ALK: variants seen among roughly 807,000 people sequenced by gnomAD.
ALK encodes ALK receptor tyrosine kinase, also known as ALK tyrosine kinase receptor.
A neutral mutation model predicts 163.1 loss-of-function variants in ALK; 74 were observed. The observed-to-expected ratio is 0.45, with a 90% CI of 0.38 to 0.55. The LOEUF is 0.55. ALK is among the 20% of genes least tolerant of loss of function. The pLI, the probability that ALK is intolerant of heterozygous loss-of-function variation, is 0.00. For missense variants in ALK, 2,063 were observed against 2,105.3 expected (o/e 0.98, Z 0.39); for synonymous variants, 960 against 843.2 (o/e 1.14, Z -2.40).
chr2:29,451,071 GA>G (rs1670808574), intron 4 of ALK, among the ~76,000 whole-genome samples: 2 of 152,276 alleles, frequency 1.3e-5, no homozygotes, highest in South Asian at 4.2e-4. Flanking sequence ...CTGTGGGTCT[GA>G]TGTTTGCTTG....
intron 3 of ALK, among the ~76,000 whole-genome samples, chr2:29,654,662 T>C (rs546640491): frequency 7.8e-4 from 119 of 152,240 alleles, no homozygotes; most frequent in Non-Finnish European, 1.5e-3. Context: ...AAGATGGAAA[T>C]TTTAGAGGTC....
intron 2 of ALK, among the ~76,000 whole-genome samples, chr2:29,709,361 T>C (rs775365543): frequency 6.6e-5 from 10 of 151,974 alleles, no homozygotes; most frequent in African/African-American, 1.7e-4. Context: ...ACAGAGAACT[T>C]TGGGGGCTGA....
chr2:29,383,232 A>G (rs963690133), intron 5 of ALK, among the ~76,000 whole-genome samples: 2 of 151,864 alleles, frequency 1.3e-5, no homozygotes, highest in African/African-American at 4.8e-5. Flanking sequence ...CTCAAGGTAG[A>G]TATCATTTTA....
At chr2:29,787,909 GA>G (rs1173263937) in intron 1 of ALK, among the ~76,000 whole-genome samples, 2 of 152,168 alleles carry the variant, frequency 1.3e-5, no homozygotes, top group Non-Finnish European at 2.9e-5. Context: ...AGTGAGATTA[GA>G]ACCTACACCT....
Position 29,656,318 on chromosome 2 carries a change from C to T in ALK, c.952+38532G>A, listed in dbSNP as rs527927576. 2.6e-5 allele frequency among the ~76,000 whole-genome samples: 4 copies of T among 152,258 alleles called. No individual in the cohort carries two copies. The South Asian group carries it at 8.3e-4, about 32-fold the overall frequency. On this transcript the variant is annotated intron_variant, in intron 3 of 28. Coordinates refer to ENST00000389048, the MANE Select transcript of ALK (RefSeq NM_004304.5). ...ATGATATGTAAGATCCGTCCTAACTCTAATATTCTATGAATAATTTTAAAG... is the reference window on the plus strand; with the variant it reads ...ATGATATGTAAGATCCGTCCTAACTTTAATATTCTATGAATAATTTTAAAG...
At position 29,765,957 on chromosome 2, in the gene ALK, G is replaced by A. The variant is rs79445067; in HGVS notation, c.668-48260C>T. ...TGCGAGCTTATGTGAGCTGGCTGCA[G>A]TGCACCACTGTAAAACTCATATATA... On this transcript the variant is annotated intron_variant, in intron 1 of 28. Transcript: ENST00000389048. Among the ~76,000 whole-genome samples, 804 of 152,308 alleles carry A rather than the reference G, an allele frequency of 5.3e-3. 5 individuals are homozygous for A. Among genetic ancestry groups the A allele is most frequent in the Non-Finnish European group, 7.7e-3 (526 of 68,030 alleles).
chr2:29,433,389 T>C (rs560619359), intron 4 of ALK, among the ~76,000 whole-genome samples: 1 of 152,214 alleles, frequency 6.6e-6, no homozygotes, highest in East Asian at 1.9e-4. Flanking sequence ...TTCTAGAGGG[T>C]TTTGAGGAGG....
At chr2:29,209,917 A>G (rs1175349888) in intron 24 of ALK, 39 bp from the exon 25 acceptor site, 3 of 1,536,412 alleles carry the variant, frequency 2.0e-6, no homozygotes, top group Non-Finnish European at 2.7e-6. Context: ...TTTTATCCCT[A>G]GGAAGATGAG....
chr2:29,849,324 G>A (rs977102728), intron 1 of ALK, among the ~76,000 whole-genome samples: 1 of 152,206 alleles, frequency 6.6e-6, no homozygotes, highest in Admixed American at 6.5e-5. Flanking sequence ...CTGACTAACT[G>A]TATAAACCTG....
chr2:29,277,819 G>A (rs902131800), intron 9 of ALK, among the ~76,000 whole-genome samples: 1 of 152,230 alleles, frequency 6.6e-6, no homozygotes, highest in African/African-American at 2.4e-5. Flanking sequence ...TCTGGCACTG[G>A]GGTGTATGCC....
At chr2:29,903,527 T>C (rs909259772) in intron 1 of ALK, among the ~76,000 whole-genome samples, 2 of 152,104 alleles carry the variant, frequency 1.3e-5, no homozygotes, top group Admixed American at 1.3e-4. Context: ...AGTTTTTATG[T>C]ATGTATGTAA....
At chr2:29,383,461 C>T (rs140991829) in intron 5 of ALK, among the ~76,000 whole-genome samples, 21 of 152,204 alleles carry the variant, frequency 1.4e-4, no homozygotes, top group East Asian at 3.9e-4. Context: ...GGATTACAGA[C>T]GCACATCACC....
chr2:29,460,608 G>C (rs1671062365), intron 4 of ALK, among the ~76,000 whole-genome samples: 1 of 152,032 alleles, frequency 6.6e-6, no homozygotes, highest in Non-Finnish European at 1.5e-5. Context: ...TTTGATGTTA[G>C]TATTGTAATT....
intron 5 of ALK, among the ~76,000 whole-genome samples, chr2:29,353,539 T>C (rs1668168922): frequency 1.3e-5 from 2 of 152,156 alleles, no homozygotes; most frequent in African/African-American, 4.8e-5. Flanking sequence ...CAAACCTCCA[T>C]CTCTAGAGAG....
intron 11 of ALK, among the ~76,000 whole-genome samples, chr2:29,255,554 G>T (rs1171462879): frequency 6.6e-6 from 1 of 152,126 alleles, no homozygotes; most frequent in Admixed American, 6.5e-5. Flanking sequence ...ATTTTAGGGA[G>T]AAGTGACTTT....
intron 1 of ALK, among the ~76,000 whole-genome samples, chr2:29,855,864 A>G (rs909231946): frequency 6.6e-6 from 1 of 152,216 alleles, no homozygotes; most frequent in African/African-American, 2.4e-5. Context: ...ATAATTTGCT[A>G]TGTCTATAGA....
chr2:29,292,605 C>G lies in ALK; in HGVS notation c.1817+4283G>C, dbSNP rs571645784. 1.1e-4 allele frequency among the ~76,000 whole-genome samples: 17 copies of G among 152,262 alleles called. 1 individual carries two copies. The South Asian group carries it at 3.3e-3, about 30-fold the overall frequency. ...AATGAGATAATTTTTAAGCACACAT[C>G]AAGCTGATATTTGAATTGGTGTTGT... On this transcript the variant is annotated intron_variant, in intron 9 of 28. Coordinates refer to ENST00000389048, the MANE Select transcript of ALK (RefSeq NM_004304.5).
intron 4 of ALK, among the ~76,000 whole-genome samples, chr2:29,484,536 A>G (rs1671736316): frequency 6.6e-6 from 1 of 152,150 alleles, no homozygotes; most frequent in African/African-American, 2.4e-5. Flanking sequence ...CTAGTGTTTC[A>G]GTTTCATAAT....
At chr2:29,350,946 GA>G (rs1408516231) in intron 5 of ALK, among the ~76,000 whole-genome samples, 1 of 152,184 alleles carries the variant, frequency 6.6e-6, no homozygotes, top group Non-Finnish European at 1.5e-5. Flanking sequence ...GGTGCTTCAT[GA>G]AAAGATTATT....
Sources: gnomAD v4.1 joint callset for allele counts (sites outside exome capture counted in the v4.1 genomes callset) on GRCh38, gnomAD v4.1.1 for gene constraint, MANE v1.5 for transcripts, NCBI Gene and HGNC (gene_info 2026-07-23, HGNC 2026-07-21) for gene names.